Variants in CSMD1 observed in about 807,000 individuals in gnomAD.
CSMD1 encodes the protein CUB and sushi domain-containing protein 1.
CSMD1 carries 213 observed loss-of-function variants against 417.5 expected under a neutral mutation model. The observed-to-expected ratio is 0.51, with a 90% CI of 0.46 to 0.57. The LOEUF (loss-of-function observed/expected upper bound fraction) is 0.57, where lower values mean the gene tolerates loss of function less well. CSMD1 is among the 20% of genes least tolerant of loss of function. The pLI is 0.00. For synonymous variants in CSMD1, 2,862 were observed against 1,736.8 expected (o/e 1.65, Z -16.11); for missense variants, 6,923 against 4,529.7 (o/e 1.53, Z -15.17).
At chr8:3,439,136 AAAAAAAAAAAAAAAAAC>A (rs1814772827) in intron 12 of CSMD1, among the ~76,000 whole-genome samples, 1 of 128,194 alleles carries the variant, frequency 7.8e-6, no homozygotes, top group African/African-American at 3.3e-5. Context: ...AAAAAAAAAA[AAAAAAAAAAAAAAAAAC>A]CAAGAAAAAA....
chr8:3,784,144 C>G (rs903453705), intron 5 of CSMD1, among the ~76,000 whole-genome samples: 5 of 152,202 alleles, frequency 3.3e-5, no homozygotes, highest in Non-Finnish European at 5.9e-5. Context: ...CTCTCTTTCT[C>G]TCTCTCATGC....
intron 24 of CSMD1, 51 bp downstream of exon 24, chr8:3,308,261 G>A (rs1343208702): frequency 2.8e-6 from 4 of 1,409,532 alleles, no homozygotes; most frequent in Admixed American, 1.9e-5. Context: ...CATGGTGCAA[G>A]CACCCTAAGG....
intron 1 of CSMD1, among the ~76,000 whole-genome samples, chr8:4,820,391 G>C (rs73181547): frequency 0.015 from 2,295 of 152,234 alleles, 37 homozygotes; most frequent in Non-Finnish European, 0.025. Flanking sequence ...CATTTTAATA[G>C]AGCTTGCTTG....
intron 2 of CSMD1, among the ~76,000 whole-genome samples, chr8:4,487,053 G>T (rs901694081): frequency 6.6e-6 from 1 of 152,060 alleles, no homozygotes; most frequent in Admixed American, 6.6e-5. Flanking sequence ...ATATCTTTCC[G>T]CTTTCTAATT....
At chr8:3,519,174 A>C (rs1281101373) in intron 10 of CSMD1, among the ~76,000 whole-genome samples, 1 of 152,216 alleles carries the variant, frequency 6.6e-6, no homozygotes, top group African/African-American at 2.4e-5. Flanking sequence ...AAATTCCTTA[A>C]TCCTGAACAC....
chr8:4,153,089 T>C, intron 3 of CSMD1, among the ~76,000 whole-genome samples: 1 of 152,288 alleles, frequency 6.6e-6, no homozygotes, highest in Non-Finnish European at 1.5e-5. Context: ...CTTTTTCAGA[T>C]GTGTAATTAA....
intron 1 of CSMD1, among the ~76,000 whole-genome samples, chr8:4,966,890 T>C (rs1051048415): frequency 2.6e-5 from 4 of 152,180 alleles, no homozygotes; most frequent in Non-Finnish European, 5.9e-5. Context: ...CAAGCACGGT[T>C]AAAAATATCA....
intron 1 of CSMD1, chr8:4,787,606 G>C: frequency 6.5e-7 from 1 of 1,547,498 alleles, no homozygotes; most frequent in South Asian, 1.1e-5. Flanking sequence ...CAATTGAATG[G>C]GTTTGCAGAA....
intron 25 of CSMD1, among the ~76,000 whole-genome samples, chr8:3,296,089 T>C (rs78944056): frequency 0.029 from 4,366 of 151,924 alleles, 217 homozygotes; most frequent in African/African-American, 0.096. Context: ...TAGTAGGTGG[T>C]AAATGCAATT....
intron 3 of CSMD1, among the ~76,000 whole-genome samples, chr8:4,243,187 G>A (rs2128823489): frequency 6.6e-6 from 1 of 152,244 alleles, no homozygotes; most frequent in South Asian, 2.1e-4. Context: ...TCTGCTCTGG[G>A]CTGAGGAGGA....
chr8:3,513,495 T>G (rs1430613713), intron 10 of CSMD1, among the ~76,000 whole-genome samples: 1 of 152,068 alleles, frequency 6.6e-6, no homozygotes, highest in East Asian at 1.9e-4. Context: ...CACCTTGTGA[T>G]CGTGTGAGTC....
chr8:3,822,057 G>C (rs1262256803), intron 5 of CSMD1, among the ~76,000 whole-genome samples: 1 of 152,126 alleles, frequency 6.6e-6, no homozygotes, highest in Non-Finnish European at 1.5e-5. Context: ...TCTGCCTTTT[G>C]ACCTATGCTG....
At chr8:4,934,648 T>TATTG (rs145410873) in intron 1 of CSMD1, among the ~76,000 whole-genome samples, 46,819 of 151,854 alleles carry the variant, frequency 0.31, 8,149 homozygotes, top group Middle Eastern at 0.4. Flanking sequence ...ATCATGTATT[T>TATTG]ATTGATCAAT....
chr8:4,621,822 G>C (rs375519467), intron 2 of CSMD1, among the ~76,000 whole-genome samples: 2 of 151,936 alleles, frequency 1.3e-5, no homozygotes, highest in African/African-American at 4.8e-5. Context: ...GAAAAATCTA[G>C]TGTACCTTAC....
At chr8:4,118,106 T>C (rs2130932354) in intron 3 of CSMD1, among the ~76,000 whole-genome samples, 1 of 152,192 alleles carries the variant, frequency 6.6e-6, no homozygotes, top group East Asian at 1.9e-4. Flanking sequence ...CTTGTGTGTT[T>C]GCAGGTGTAC....
intron 8 of CSMD1, chr8:3,613,194 A>ACAG: frequency 4.2e-6 from 1 of 239,306 alleles, no homozygotes; most frequent in Non-Finnish European, 8.6e-6. Flanking sequence ...AAAGATACAC[A>ACAG]CTATCAAAGC....
intron 2 of CSMD1, among the ~76,000 whole-genome samples, chr8:4,513,208 TG>T (rs928372435): frequency 2.0e-4 from 30 of 152,222 alleles, no homozygotes; most frequent in African/African-American, 6.0e-4. Context: ...ACCATTCTTA[TG>T]GGGGGATGTT....
At chr8:3,827,936 A>C (rs1585055032) in intron 5 of CSMD1, among the ~76,000 whole-genome samples, 1 of 152,212 alleles carries the variant, frequency 6.6e-6, no homozygotes, top group African/African-American at 2.4e-5. Flanking sequence ...AAAAGAGAAA[A>C]TAAAGTATCT....
chr8:4,202,921 G>A (rs536253206), intron 3 of CSMD1, among the ~76,000 whole-genome samples: 3 of 152,240 alleles, frequency 2.0e-5, no homozygotes, highest in South Asian at 2.1e-4. Flanking sequence ...CCTGGAGTGA[G>A]GAGAGATGTT....
Sources: gnomAD v4.1 joint callset for allele counts (sites outside exome capture counted in the v4.1 genomes callset) on GRCh38, gnomAD v4.1.1 for gene constraint, MANE v1.5 for transcripts, NCBI Gene and HGNC (gene_info 2026-07-23, HGNC 2026-07-21) for gene names.